The following HPSE2 variants were observed in gnomAD, a reference collection of about 807,000 sequenced individuals.
The protein encoded by HPSE2 is inactive heparanase-2.
A neutral mutation model predicts 60.5 loss-of-function variants in HPSE2; 38 were observed. The ratio of observed to expected loss-of-function variants is 0.63; its 90% CI spans 0.48 to 0.82. The LOEUF is 0.82. Among genes scored for constraint, HPSE2 ranks in the 40% least tolerant of loss-of-function variants. The probability of loss-of-function intolerance (pLI) is 0.00; values close to 1 mark genes in which losing one functional copy is unlikely to be tolerated. For synonymous variants in HPSE2, 295 were observed against 293.2 expected, an observed-to-expected ratio of 1.01 and a Z score of -0.06; for missense variants, 713 against 740.4, an observed-to-expected ratio of 0.96 and a Z score of 0.43.
intron 9 of HPSE2, among the ~76,000 whole-genome samples, chr10:98,542,853 T>G (rs1010889948): frequency 1.5e-4 from 23 of 152,322 alleles, no homozygotes; most frequent in African/African-American, 5.1e-4. Context: ...TATGTCTGAT[T>G]GGTGTACCTG....
chr10:98,614,216 A>G (rs889368053), intron 9 of HPSE2, among the ~76,000 whole-genome samples: 9 of 152,078 alleles, frequency 5.9e-5, no homozygotes, highest in Admixed American at 5.2e-4. Flanking sequence ...AAATAAAACA[A>G]TCTGGAAAAA....
chr10:98,940,852 A>G (rs1317114399), intron 3 of HPSE2, among the ~76,000 whole-genome samples: 8 of 138,822 alleles, frequency 5.8e-5, no homozygotes, highest in East Asian at 2.0e-4. Context: ...CTGGCAAAAC[A>G]AATCCAGCAG....
At chr10:99,245,081 T>C in the HPSE2 span, among the ~76,000 whole-genome samples, 2 of 152,096 alleles carry the variant, frequency 1.3e-5, no homozygotes, top group African/African-American at 2.4e-5. Flanking sequence ...AATTTTAAAT[T>C]CTTCTTTTGA....
intron 6 of HPSE2, among the ~76,000 whole-genome samples, chr10:98,672,992 CAG>C (rs1947545615): frequency 6.6e-6 from 1 of 152,064 alleles, no homozygotes; most frequent in Non-Finnish European, 1.5e-5. Context: ...ATGATTTTCC[CAG>C]ATGCTATAAG....
At chr10:99,260,381 T>TG in the HPSE2 span, among the ~76,000 whole-genome samples, 2 of 152,188 alleles carry the variant, frequency 1.3e-5, no homozygotes, top group African/African-American at 4.8e-5. Flanking sequence ...ACTGGTCCCC[T>TG]GTCCTCGCCC....
chr10:99,142,908 T>C (rs1019825406), intron 3 of HPSE2, among the ~76,000 whole-genome samples: 3 of 151,936 alleles, frequency 2.0e-5, no homozygotes, highest in South Asian at 2.1e-4. Context: ...AAAGATGGAA[T>C]AAAAATATTT....
At chr10:98,721,274 C>T (rs1948916355) in intron 5 of HPSE2, among the ~76,000 whole-genome samples, 1 of 151,988 alleles carries the variant, frequency 6.6e-6, no homozygotes, top group South Asian at 2.1e-4. Flanking sequence ...GCTTTGCTGG[C>T]CAAGATTTTG....
chr10:98,723,231 T>G (rs1048065623), intron 4 of HPSE2, among the ~76,000 whole-genome samples: 2 of 152,154 alleles, frequency 1.3e-5, no homozygotes, highest in African/African-American at 4.8e-5. Context: ...TCATGTGGTT[T>G]TTGTCTTTGG....
At chr10:99,005,631 G>GT (rs1248401044) in intron 3 of HPSE2, among the ~76,000 whole-genome samples, 4 of 151,988 alleles carry the variant, frequency 2.6e-5, no homozygotes, top group Non-Finnish European at 4.4e-5. Flanking sequence ...ATCTTGAACT[G>GT]TTTTTTAGGC....
intron 3 of HPSE2, among the ~76,000 whole-genome samples, chr10:99,120,666 G>T (rs1844914982): frequency 6.6e-6 from 1 of 152,088 alleles, no homozygotes; most frequent in African/African-American, 2.4e-5. Flanking sequence ...TAAAGATAGG[G>T]TTTCACCATG....
chr10:99,066,508 G>A (rs2135536329), intron 3 of HPSE2, among the ~76,000 whole-genome samples: 1 of 152,248 alleles, frequency 6.6e-6, no homozygotes, highest in African/African-American at 2.4e-5. Flanking sequence ...TGGCTGGGGT[G>A]GCCTCACAAT....
chr10:98,647,638 T>C (rs1208656063), intron 6 of HPSE2, among the ~76,000 whole-genome samples: 1 of 152,204 alleles, frequency 6.6e-6, no homozygotes. Context: ...AAGCAAACAC[T>C]GGAGAAAGGC....
At chr10:99,232,223 AC>A (rs1849672827) in intron 2 of HPSE2, 124 bp downstream of exon 2, 2 of 942,136 alleles carry the variant, frequency 2.1e-6, no homozygotes. Context: ...ATACACACAC[AC>A]ACACACACAC....
At chr10:98,924,538 A>G (rs1954389220) in intron 3 of HPSE2, 1 of 152,228 alleles carries the variant, frequency 6.6e-6, no homozygotes. Context: ...GTACTGAACC[A>G]CAATACAAAG....
At chr10:98,994,283 ACAG>A (rs1248555530) in intron 3 of HPSE2, among the ~76,000 whole-genome samples, 1 of 152,138 alleles carries the variant, frequency 6.6e-6, no homozygotes, top group African/African-American at 2.4e-5. Flanking sequence ...TCTCAGTTTC[ACAG>A]CAGCCCATAG....
chr10:99,081,418 TAA>T (rs1348592480), intron 3 of HPSE2, among the ~76,000 whole-genome samples: 1 of 152,162 alleles, frequency 6.6e-6, no homozygotes, highest in Non-Finnish European at 1.5e-5. Flanking sequence ...ACAAACTCTC[TAA>T]GTCTCAGGTG....
intron 9 of HPSE2, among the ~76,000 whole-genome samples, chr10:98,560,101 T>C (rs950473932): frequency 6.6e-6 from 1 of 152,012 alleles, no homozygotes; most frequent in African/African-American, 2.4e-5. Flanking sequence ...AAAAATAGAG[T>C]GCAGAGCCAG....
At chr10:99,297,132 G>T in the HPSE2 span, among the ~76,000 whole-genome samples, 1 of 151,816 alleles carries the variant, frequency 6.6e-6, no homozygotes, top group African/African-American at 2.4e-5. Flanking sequence ...TCTCCCCACC[G>T]CAGCCTGGTG....
At chr10:98,482,808 G>C in intron 10 of HPSE2, 26 bp from the exon 11 acceptor site, 1 of 1,613,308 alleles carries the variant, frequency 6.2e-7, no homozygotes. Flanking sequence ...AGAGAGAAGT[G>C]AAAGATGGAA....
Sources: allele counts gnomAD v4.1 joint callset (sites outside exome capture counted in the v4.1 genomes callset), GRCh38; gene constraint gnomAD v4.1.1; transcripts MANE v1.5; gene names NCBI Gene and HGNC (gene_info 2026-07-23, HGNC 2026-07-21).